The following ZNF704 variants were observed in gnomAD, a reference collection of about 807,000 sequenced individuals.
ZNF704 encodes the protein glucocorticoid induced gene 1.
In ZNF704, 10 loss-of-function variants were observed where a neutral mutation model predicts 44.7. That is an observed-to-expected ratio of 0.22 (90% CI 0.14 to 0.38). ZNF704 has a LOEUF of 0.38. Among genes scored for constraint, ZNF704 ranks in the 10% least tolerant of loss-of-function variants. The pLI is 1.00. For missense variants in ZNF704, 390 were observed against 545.5 expected, an observed-to-expected ratio of 0.71 and a Z score of 2.84; for synonymous variants, 211 against 207.6, an observed-to-expected ratio of 1.02 and a Z score of -0.14.
upstream of ZNF704, among the ~76,000 whole-genome samples, chr8:80,875,634 C>T (rs1467735337): frequency 6.6e-6 from 1 of 152,194 alleles, no homozygotes; most frequent in Non-Finnish European, 1.5e-5. Context: ...TCAAATCATA[C>T]CCCCAATTCC....
At chr8:80,860,013 A>T (rs1032260333) in intron 1 of ZNF704, among the ~76,000 whole-genome samples, 1 of 152,248 alleles carries the variant, frequency 6.6e-6, no homozygotes, top group Non-Finnish European at 1.5e-5. Flanking sequence ...ACACTCGTGC[A>T]AAAATCCCAA....
chr8:80,729,725 G>A (rs1585985894), intron 2 of ZNF704, among the ~76,000 whole-genome samples: 1 of 152,290 alleles, frequency 6.6e-6, no homozygotes. Context: ...GTAACTGAAC[G>A]CTTCATCTGA....
chr8:80,873,270 C>G (rs1433446562), intron 1 of ZNF704, among the ~76,000 whole-genome samples: 1 of 152,206 alleles, frequency 6.6e-6, no homozygotes, highest in East Asian at 1.9e-4. Context: ...AGCGCCCTTT[C>G]CCGGCACCCA....
intron 4 of ZNF704, among the ~76,000 whole-genome samples, chr8:80,683,838 A>G (rs1356336453): frequency 1.3e-5 from 2 of 152,262 alleles, no homozygotes; most frequent in Non-Finnish European, 2.9e-5. Flanking sequence ...TCTTCTTTAC[A>G]TAAGTGGAAC....
chr8:80,658,437 T>A (rs1303561652), intron 7 of ZNF704, among the ~76,000 whole-genome samples: 3 of 151,182 alleles, frequency 2.0e-5, no homozygotes, highest in Admixed American at 2.0e-4. Flanking sequence ...CCTACATCAG[T>A]GGATCAGTGT....
intron 2 of ZNF704, among the ~76,000 whole-genome samples, chr8:80,750,123 C>T (rs1253219631): frequency 6.6e-6 from 1 of 152,104 alleles, no homozygotes. Context: ...ATATTCCTGC[C>T]TGCTCAGCCA....
intron 1 of ZNF704, among the ~76,000 whole-genome samples, chr8:80,858,563 T>C (rs564249257): frequency 6.6e-6 from 1 of 151,968 alleles, no homozygotes; most frequent in Non-Finnish European, 1.5e-5. Context: ...GAAACCCCCA[T>C]CTCTACCAAA....
intron 7 of ZNF704, among the ~76,000 whole-genome samples, chr8:80,653,371 G>C (rs1285225491): frequency 6.6e-6 from 1 of 152,184 alleles, no homozygotes; most frequent in Admixed American, 6.5e-5. Context: ...AAAAGAGGAA[G>C]TCAAATTGCC....
rs2131586094 is a variant in ZNF704, at chr8:80,639,611, T to A, written c.*1755A>T. 6.6e-6 allele frequency: 1 copy of A among 152,322 alleles called. No homozygotes were observed. The highest frequency in any genetic ancestry group is 2.1e-4 in the South Asian group (1 of 4,830). 9.4% of individuals were successfully genotyped at this position (152,322 alleles called of 1,614,324 possible). A position where few individuals can be genotyped will look rare whatever the true frequency, so the allele number is the denominator to read the frequency against. Reference sequence around the variant, plus strand: ...CAGGATCTCTTCCAAGGAGTAATTTTAAAAAATTTATATGAGAGTTTAAAA... The same window carrying A: ...CAGGATCTCTTCCAAGGAGTAATTTAAAAAAATTTATATGAGAGTTTAAAA... On this transcript the variant is annotated 3_prime_UTR_variant, in exon 9 of 9. Coordinates refer to ENST00000327835, the MANE Select transcript of ZNF704 (RefSeq NM_001033723.3).
chr8:80,853,694 T>C (rs1808910234), intron 1 of ZNF704, among the ~76,000 whole-genome samples: 1 of 151,898 alleles, frequency 6.6e-6, no homozygotes, highest in South Asian at 2.1e-4. Flanking sequence ...CATCAGAGAG[T>C]GTCTGTATAA....
At chr8:80,660,300 G>A (rs970448312) in intron 6 of ZNF704, among the ~76,000 whole-genome samples, 7 of 151,952 alleles carry the variant, frequency 4.6e-5, no homozygotes, top group African/African-American at 1.7e-4. Flanking sequence ...GTGAGACTTC[G>A]TCTCTACTAA....
intron 7 of ZNF704, among the ~76,000 whole-genome samples, chr8:80,643,715 C>T (rs1477778280): frequency 6.6e-6 from 1 of 151,950 alleles, no homozygotes; most frequent in African/African-American, 2.4e-5. Context: ...CTCATAATAC[C>T]ATATTTTCAC....
At chr8:80,672,925 T>G (rs6995287) in intron 4 of ZNF704, among the ~76,000 whole-genome samples, 15,625 of 147,548 alleles carry the variant, frequency 0.11, 1,182 homozygotes, top group African/African-American at 0.22. Context: ...AAGTTGAACT[T>G]AAAAAAAAAA....
the ZNF704 span, among the ~76,000 whole-genome samples, chr8:80,881,084 CT>C: frequency 6.6e-6 from 1 of 152,104 alleles, no homozygotes; most frequent in Non-Finnish European, 1.5e-5. Context: ...GCTTTGCTTT[CT>C]TTTTTATGTA....
chr8:80,705,936 T>C (rs1440545553), intron 2 of ZNF704, among the ~76,000 whole-genome samples: 2 of 152,194 alleles, frequency 1.3e-5, no homozygotes, highest in Non-Finnish European at 2.9e-5. Flanking sequence ...CTGTCCAGGC[T>C]GTCAACCAGT....
intron 2 of ZNF704, among the ~76,000 whole-genome samples, chr8:80,807,524 C>T (rs1056461651): frequency 1.9e-4 from 28 of 150,832 alleles, no homozygotes; most frequent in Admixed American, 1.8e-3. Context: ...ATAAACATTT[C>T]TAATTGACCC....
At chr8:80,699,451 T>C (rs1247625709) in intron 2 of ZNF704, among the ~76,000 whole-genome samples, 2 of 151,874 alleles carry the variant, frequency 1.3e-5, no homozygotes, top group African/African-American at 4.8e-5. Context: ...TGCAATAAAG[T>C]GTTCACTGGC....
intron 2 of ZNF704, among the ~76,000 whole-genome samples, chr8:80,716,080 GAAA>G (rs113360555): frequency 7.8e-6 from 1 of 127,522 alleles, no homozygotes; most frequent in Non-Finnish European, 1.7e-5. Flanking sequence ...ACTCTGTCTC[GAAA>G]AAAAAAAAAA....
At chr8:80,790,545 G>A (rs559056764) in intron 2 of ZNF704, among the ~76,000 whole-genome samples, 21 of 152,168 alleles carry the variant, frequency 1.4e-4, no homozygotes, top group Non-Finnish European at 2.5e-4. Context: ...ACAATGACAG[G>A]AAATGGGAAA....
Sources: allele counts gnomAD v4.1 joint callset (sites outside exome capture counted in the v4.1 genomes callset), GRCh38; gene constraint gnomAD v4.1.1; transcripts MANE v1.5; gene names NCBI Gene and HGNC (gene_info 2026-07-23, HGNC 2026-07-21).